Variants in SNX16 observed in about 807,000 individuals in gnomAD.
SNX16 encodes sorting nexin 16.
A neutral mutation model predicts 36.7 loss-of-function variants in SNX16; 35 were observed. The observed-to-expected ratio is 0.95, with a 90% CI of 0.73 to 1.27. The LOEUF (loss-of-function observed/expected upper bound fraction) is 1.27, where lower values mean the gene tolerates loss of function less well. Ranked by LOEUF, SNX16 falls within the 50% of genes most tolerant of loss-of-function variation. SNX16 has a pLI of 0.00. For synonymous variants in SNX16, 134 were observed against 132.0 expected, an observed-to-expected ratio of 1.02 and a Z score of -0.10; for missense variants, 367 against 393.6, an observed-to-expected ratio of 0.93 and a Z score of 0.57.
Position 81,839,980 on chromosome 8 carries a change from T to C in SNX16, c.7A>G (p.Thr3Ala), listed in dbSNP as rs374612794. The C allele has an allele frequency of 1.3e-6, 2 of 1,599,380 alleles. No individual in the cohort carries two copies. Among genetic ancestry groups the C allele is most frequent in the East Asian group, 2.2e-5 (1 of 44,712 alleles). Residue 3 changes from threonine to alanine, a missense_variant, in exon 2 of 8, where the codon ACT (threonine) becomes GCT (alanine). Physicochemically the swap from Thr to Ala is moderately conservative, Grantham distance 58 (BLOSUM62 0). Transcript: ENST00000345957. ...GGCATAGGAACTGGGACATAAGGAG[T>C]TGCCATCTTCTTTTGGCTTTTCCAA... is the stretch of plus-strand genomic sequence containing the variant. Reference protein sequence around the residue: MATPYVPVPMPIG... With the variant: MAAPYVPVPMPIG...
Position 81,815,405 on chromosome 8 carries a change from GA to G in SNX16, c.612-12del, listed in dbSNP as rs55997432. On this transcript the variant is annotated splice_polypyrimidine_tract_variant and intron_variant, in intron 4 of 7. Transcript: ENST00000345957. ...TCTCTCACTGCAAGGCTTTTCAAAG[GA>G]AAAAAAAAATGATCTGAAGTACAAA... 130,447 of 1,481,628 alleles carry G rather than the reference GA, an allele frequency of 0.088. 5,733 individuals are homozygous for G. The highest frequency in any genetic ancestry group is 0.19 in the Admixed American group (10,127 of 53,536). The allele number at this position is 1,481,628 out of a possible 1,614,324, so 91.8% of individuals were successfully genotyped here. A position where few individuals can be genotyped will look rare whatever the true frequency, so the allele number is the denominator to read the frequency against.
chr8:81,811,365 G>C (rs778815431), intron 5 of SNX16, among the ~76,000 whole-genome samples: 9 of 152,138 alleles, frequency 5.9e-5, no homozygotes, highest in Admixed American at 1.3e-4. Context: ...TATAGAATAG[G>C]AGATGGGAAA....
rs373149545 is a variant in SNX16, at chr8:81,821,303, T to C, written c.611+2489A>G. On this transcript the variant is annotated intron_variant, in intron 4 of 7. Coordinates refer to ENST00000345957, the MANE Select transcript of SNX16 (RefSeq NM_152836.3). ...GAAATGACAGGATCTCAAATGGCCCTAGTAATCTCTACTTTAGCAACTAAG... is the reference window on the plus strand; with the variant it reads ...GAAATGACAGGATCTCAAATGGCCCCAGTAATCTCTACTTTAGCAACTAAG... 2.0e-5 allele frequency among the ~76,000 whole-genome samples: 3 copies of C among 152,128 alleles called. No individual in the cohort carries two copies. The East Asian group carries it at 5.8e-4, about 29-fold the overall frequency.
intron 2 of SNX16, among the ~76,000 whole-genome samples, chr8:81,831,246 A>T (rs1178822127): frequency 6.6e-6 from 1 of 152,246 alleles, no homozygotes; most frequent in Non-Finnish European, 1.5e-5. Context: ...AACTGCAACA[A>T]AAACAAAACT....
chr8:81,808,642 G>A, intron 5 of SNX16: 2 of 934,448 alleles, frequency 2.1e-6, no homozygotes, highest in Admixed American at 1.7e-5. Flanking sequence ...CCCCATGGTG[G>A]TGGAGGCCAA....
Position 81,802,907 on chromosome 8 carries a change from A to C in SNX16, c.818+185T>G, listed in dbSNP as rs150976877. Among the ~76,000 whole-genome samples the C allele has an allele frequency of 4.3e-4, 65 of 151,910 alleles. 1 individual carries two copies. Among genetic ancestry groups the C allele is most frequent in the Admixed American group, 3.0e-3 (46 of 15,276 alleles). ...ATTTTCCTGATGTTTCCCATCCTTCAATGTTCAAAATTTATTTAGCAAAAT... is the reference window on the plus strand; with the variant it reads ...ATTTTCCTGATGTTTCCCATCCTTCCATGTTCAAAATTTATTTAGCAAAAT... On this transcript the variant is annotated intron_variant, in intron 6 of 7. Transcript: ENST00000345957.
intron 5 of SNX16, among the ~76,000 whole-genome samples, chr8:81,810,099 T>A (rs1158231130): frequency 6.6e-6 from 1 of 152,126 alleles, no homozygotes; most frequent in African/African-American, 2.4e-5. Flanking sequence ...TAATTGTTTG[T>A]ACTTATAATT....
At chr8:81,807,002 TATAAAG>T (rs565442959) in intron 5 of SNX16, among the ~76,000 whole-genome samples, 26 of 152,188 alleles carry the variant, frequency 1.7e-4, no homozygotes, top group Admixed American at 3.9e-4. Flanking sequence ...GATTCAATAC[TATAAAG>T]ATACTCTTCA....
At chr8:81,811,495 A>G (rs1810247609) in intron 5 of SNX16, among the ~76,000 whole-genome samples, 2 of 152,204 alleles carry the variant, frequency 1.3e-5, no homozygotes, top group South Asian at 4.1e-4. Context: ...TTTGAGGTAT[A>G]TAAGCAAAAT....
chr8:81,826,651 C>T (rs1345936168), intron 3 of SNX16, among the ~76,000 whole-genome samples: 1 of 152,140 alleles, frequency 6.6e-6, no homozygotes, highest in Non-Finnish European at 1.5e-5. Flanking sequence ...TCAGCAGAGG[C>T]TCTTATCACT....
intron 5 of SNX16, among the ~76,000 whole-genome samples, chr8:81,810,286 T>C (rs1365208374): frequency 1.3e-5 from 2 of 152,106 alleles, no homozygotes; most frequent in East Asian, 3.9e-4. Flanking sequence ...TTAGTACAAG[T>C]ATATGAGGGG....
intron 6 of SNX16, 47 bp from the exon 7 acceptor site, chr8:81,802,546 G>A (rs1366919848): frequency 5.8e-6 from 9 of 1,543,204 alleles, no homozygotes; most frequent in Non-Finnish European, 7.1e-6. Context: ...AACAAAACAG[G>A]CATATGTTTA....
intron 2 of SNX16, among the ~76,000 whole-genome samples, chr8:81,837,948 C>T (rs1024316427): frequency 2.6e-5 from 4 of 152,134 alleles, no homozygotes; most frequent in African/African-American, 9.7e-5. Flanking sequence ...TCCTCCCATC[C>T]TGTCATAAAT....
chr8:81,834,810 G>A (rs1811421337), intron 2 of SNX16, among the ~76,000 whole-genome samples: 2 of 152,184 alleles, frequency 1.3e-5, no homozygotes, highest in Admixed American at 1.3e-4. Flanking sequence ...CCTCCTTCCT[G>A]GCTGCTTTTA....
intron 4 of SNX16, among the ~76,000 whole-genome samples, chr8:81,821,865 C>A (rs1160120466): frequency 6.6e-6 from 1 of 152,068 alleles, no homozygotes; most frequent in Non-Finnish European, 1.5e-5. Context: ...TACAATCAAT[C>A]TGGTGGGAGA....
intron 3 of SNX16, 111 bp downstream of exon 3, chr8:81,829,319 A>G: frequency 2.6e-6 from 1 of 385,886 alleles, no homozygotes. Context: ...TAATTTTCTT[A>G]TGAACTAGAA....
At chr8:81,820,741 A>G (rs1810705493) in intron 4 of SNX16, among the ~76,000 whole-genome samples, 1 of 151,956 alleles carries the variant, frequency 6.6e-6, no homozygotes, top group Non-Finnish European at 1.5e-5. Flanking sequence ...TTACTTTTAT[A>G]AAATGTATCA....
At chr8:81,830,575 G>C (rs1586014492) in intron 2 of SNX16, among the ~76,000 whole-genome samples, 2 of 119,934 alleles carry the variant, frequency 1.7e-5, no homozygotes, top group Admixed American at 1.7e-4. Context: ...CTCCGTCTAG[G>C]GGGTAAAAAA....
At chr8:81,822,095 G>T (rs971542573) in intron 4 of SNX16, among the ~76,000 whole-genome samples, 1 of 152,036 alleles carries the variant, frequency 6.6e-6, no homozygotes, top group Non-Finnish European at 1.5e-5. Context: ...GTGTCTTAAA[G>T]CATCAGAGCC....
Sources: gnomAD v4.1 joint callset for allele counts (sites outside exome capture counted in the v4.1 genomes callset) on GRCh38, gnomAD v4.1.1 for gene constraint, MANE v1.5 for transcripts, NCBI Gene and HGNC (gene_info 2026-07-23, HGNC 2026-07-21) for gene names.